SLC25A26: variants seen among roughly 807,000 people sequenced by gnomAD.
SLC25A26 encodes mitochondrial S-adenosylmethionine carrier protein.
Under a neutral mutation model 37.8 loss-of-function variants are expected in SLC25A26, and 36 were observed. The ratio of observed to expected loss-of-function variants is 0.95; its 90% confidence interval spans 0.73 to 1.26. The LOEUF (loss-of-function observed/expected upper bound fraction) is 1.26. SLC25A26 is among the 50% of genes most tolerant of loss of function. The pLI, the probability that SLC25A26 is intolerant of heterozygous loss-of-function variation, is 0.00. For missense variants in SLC25A26, 390 were observed against 331.1 expected, an observed-to-expected ratio of 1.18 and a Z score of -1.38; for synonymous variants, 129 against 122.5, an observed-to-expected ratio of 1.05 and a Z score of -0.35.
At chr3:66,329,759 GC>G (rs2075926070) in intron 5 of SLC25A26, among the ~76,000 whole-genome samples, 1 of 152,028 alleles carries the variant, frequency 6.6e-6, no homozygotes, top group African/African-American at 2.4e-5. Context: ...ATGAGCTAGA[GC>G]CTTGCTCCAT....
chr3:66,235,994 C>G (rs2072260505), intron 1 of SLC25A26, among the ~76,000 whole-genome samples: 1 of 152,172 alleles, frequency 6.6e-6, no homozygotes, highest in Non-Finnish European at 1.5e-5. Flanking sequence ...TCACTGAACC[C>G]TTGAACTCCT....
In SLC25A26 at chr3:66,281,110, T is replaced by C. The variant is rs547950845; in HGVS notation, c.453+17731T>C. On this transcript the variant is annotated intron_variant, in intron 5 of 9. Coordinates refer to ENST00000354883, the MANE Select transcript of SLC25A26 (RefSeq NM_001379210.1). ...ATAGACTTTTGTAGAGTCCGAGATA[T>C]TTATCCTGTAAACGGTCCCATAATC... Among the ~76,000 whole-genome samples, 10 of 152,310 alleles carry C rather than the reference T, an allele frequency of 6.6e-5. No homozygotes were observed. The East Asian group carries it at 1.7e-3, about 26-fold the overall frequency.
intron 5 of SLC25A26, among the ~76,000 whole-genome samples, chr3:66,323,231 T>C (rs887116923): frequency 1.3e-5 from 2 of 151,954 alleles, no homozygotes; most frequent in Non-Finnish European, 2.9e-5. Flanking sequence ...AGATGCCACA[T>C]TGGTATTGAG....
chr3:66,263,449 T>C (rs2073613512), intron 5 of SLC25A26, 70 bp downstream of exon 5: 4 of 916,240 alleles, frequency 4.4e-6, no homozygotes, highest in Non-Finnish European at 6.9e-6. Flanking sequence ...TTTATACTAC[T>C]TAACAATTAG....
At chr3:66,375,988 C>A (rs1700627158) in intron 9 of SLC25A26, among the ~76,000 whole-genome samples, 1 of 150,234 alleles carries the variant, frequency 6.7e-6, no homozygotes, top group Admixed American at 6.7e-5. Context: ...AAAATATTGA[C>A]CATGCTGGGA....
intron 5 of SLC25A26, among the ~76,000 whole-genome samples, chr3:66,306,770 TC>T (rs1241552181): frequency 3.3e-5 from 5 of 152,208 alleles, no homozygotes; most frequent in African/African-American, 1.2e-4. Context: ...GGTTTTCTGT[TC>T]CTGTGTTAGT....
At chr3:66,210,938 A>G (rs955984246) in intron 1 of SLC25A26, among the ~76,000 whole-genome samples, 1 of 152,248 alleles carries the variant, frequency 6.6e-6, no homozygotes, top group Non-Finnish European at 1.5e-5. Flanking sequence ...AAAAGCAAAC[A>G]TATGTCTACT....
chr3:66,327,368 C>G (rs1310124541), intron 5 of SLC25A26, among the ~76,000 whole-genome samples: 1 of 152,126 alleles, frequency 6.6e-6, no homozygotes, highest in African/African-American at 2.4e-5. Flanking sequence ...AGGATAAAAA[C>G]ACAAGGCACT....
intron 6 of SLC25A26, among the ~76,000 whole-genome samples, chr3:66,347,254 A>G (rs1211015109): frequency 6.6e-6 from 1 of 152,204 alleles, no homozygotes; most frequent in Non-Finnish European, 1.5e-5. Flanking sequence ...CAGAGTCCAC[A>G]AGGAACTGAA....
chr3:66,240,322 C>G (rs1214731323), intron 2 of SLC25A26, among the ~76,000 whole-genome samples: 1 of 152,194 alleles, frequency 6.6e-6, no homozygotes, highest in Non-Finnish European at 1.5e-5. Flanking sequence ...CCAGGTCTCA[C>G]TCCGTTGCCC....
rs145737321 is a variant in SLC25A26 at position 66,241,795 on chromosome 3, T to G, written c.191-1408T>G. 4.2e-3 allele frequency among the ~76,000 whole-genome samples: 642 copies of G among 152,168 alleles called. 7 individuals are homozygous for G. The highest frequency in any genetic ancestry group is 0.015 in the African/African-American group (614 of 41,502). On this transcript the variant is annotated intron_variant, in intron 2 of 9. Coordinates refer to ENST00000354883, the MANE Select transcript of SLC25A26 (RefSeq NM_001379210.1). Reference sequence around the variant, plus strand: ...TGTGGATGTTTTTGTAAACCTATGCTGCAGGAGTGAGGGGTTGGGGTGGGG... The same window carrying G: ...TGTGGATGTTTTTGTAAACCTATGCGGCAGGAGTGAGGGGTTGGGGTGGGG...
intron 6 of SLC25A26, among the ~76,000 whole-genome samples, chr3:66,362,233 T>G (rs2107804884): frequency 6.6e-6 from 1 of 152,304 alleles, no homozygotes; most frequent in South Asian, 2.1e-4. Flanking sequence ...TAAAGACCTG[T>G]ATACAAATGT....
At chr3:66,249,338 A>G (rs934362815) in intron 3 of SLC25A26, among the ~76,000 whole-genome samples, 5 of 152,202 alleles carry the variant, frequency 3.3e-5, no homozygotes, top group Admixed American at 2.6e-4. Context: ...AGTCCATTCC[A>G]GGGTCTCCTT....
chr3:66,320,815 G>A (rs937715241), intron 5 of SLC25A26, among the ~76,000 whole-genome samples: 1 of 152,116 alleles, frequency 6.6e-6, no homozygotes, highest in Admixed American at 6.6e-5. Flanking sequence ...ATTTTTAAAA[G>A]TACGTTTAAG....
rs1553672616 is a variant in SLC25A26 at position 66,253,036 on chromosome 3, C to CA, written c.301-9014dup. Among the ~76,000 whole-genome samples the CA allele has an allele frequency of 2.6e-4, 36 of 138,410 alleles. 1 individual carries two copies. The highest frequency in any genetic ancestry group is 3.8e-4 in the Non-Finnish European group (24 of 63,088). 90.8% of individuals were successfully genotyped at this position (138,410 alleles called of 152,430 possible). A position where few individuals can be genotyped will look rare whatever the true frequency, so the allele number is the denominator to read the frequency against. ...AGGCAAAATAATGCCCCCCCCCCCCCATAAATATGTCCTAGTCCCCAAATC... is the reference window on the plus strand; with the variant it reads ...AGGCAAAATAATGCCCCCCCCCCCCCAATAAATATGTCCTAGTCCCCAAATC... On this transcript the variant is annotated intron_variant, in intron 3 of 9. Coordinates refer to ENST00000354883, the MANE Select transcript of SLC25A26 (RefSeq NM_001379210.1).
intron 6 of SLC25A26, among the ~76,000 whole-genome samples, chr3:66,358,772 G>A (rs773878838): frequency 6.6e-6 from 1 of 152,150 alleles, no homozygotes; most frequent in African/African-American, 2.4e-5. Flanking sequence ...AATTACAGGC[G>A]TGAGCCACAA....
intron 7 of SLC25A26, among the ~76,000 whole-genome samples, chr3:66,367,218 C>T (rs761290020): frequency 9.9e-5 from 15 of 152,226 alleles, no homozygotes; most frequent in African/African-American, 3.1e-4. Flanking sequence ...AAACATGTTG[C>T]GTAGGCCCAT....
In SLC25A26 at chr3:66,193,849, G is replaced by A. The variant is rs2070992062; in HGVS notation, c.-353-26893G>A. ...TAGATAAACAGTCCTATCATCACACGGACAAGAAAAGTCTTGGAGAAATTC... is the reference window on the plus strand; with the variant it reads ...TAGATAAACAGTCCTATCATCACACAGACAAGAAAAGTCTTGGAGAAATTC... On this transcript the variant is annotated intron_variant, in intron 1 of 10. Transcript: ENST00000676754. Among the ~76,000 whole-genome samples the A allele has an allele frequency of 2.6e-5, 4 of 152,196 alleles. No individual in the cohort carries two copies. In the South Asian group the frequency reaches 8.3e-4, roughly 32 times the overall value.
At chr3:66,269,847 T>A (rs927988834) in intron 5 of SLC25A26, among the ~76,000 whole-genome samples, 1 of 152,218 alleles carries the variant, frequency 6.6e-6, no homozygotes, top group Non-Finnish European at 1.5e-5. Context: ...TTTCAGTTTG[T>A]CCTTATAGTT....
Sources: allele counts gnomAD v4.1 joint callset (sites outside exome capture counted in the v4.1 genomes callset), GRCh38; gene constraint gnomAD v4.1.1; transcripts MANE v1.5; gene names NCBI Gene and HGNC (gene_info 2026-07-23, HGNC 2026-07-21).